The following SAMD12 variants were observed in gnomAD, a reference collection of about 807,000 sequenced individuals.
SAMD12 encodes the protein sterile alpha motif domain containing 12.
SAMD12 carries 9 observed loss-of-function variants against 15.0 expected under a neutral mutation model. That is an observed-to-expected ratio of 0.60 (90% confidence interval 0.36 to 1.05). SAMD12 has a LOEUF of 1.05. Among genes scored for constraint, SAMD12 ranks in the 50% least tolerant of loss-of-function variants. The pLI, the probability that SAMD12 is intolerant of heterozygous loss-of-function variation, is 0.01. For synonymous variants in SAMD12, 86 were observed against 90.1 expected, an observed-to-expected ratio of 0.96 and a Z score of 0.25; for missense variants, 230 against 234.2, an observed-to-expected ratio of 0.98 and a Z score of 0.12.
intron 2 of SAMD12, among the ~76,000 whole-genome samples, chr8:118,468,293 G>A (rs985622116): frequency 6.6e-6 from 1 of 151,902 alleles, no homozygotes; most frequent in South Asian, 2.1e-4. Context: ...AACTAGCAAG[G>A]AGAGATGGGT....
intron 4 of SAMD12, among the ~76,000 whole-genome samples, chr8:118,358,193 ATG>A (rs1563791912): frequency 2.6e-5 from 4 of 152,098 alleles, no homozygotes; most frequent in Non-Finnish European, 5.9e-5. Context: ...AGAGCTTAGT[ATG>A]TGTTTTTCCA....
intron 3 of SAMD12, among the ~76,000 whole-genome samples, chr8:118,392,087 C>A (rs982120239): frequency 6.6e-6 from 1 of 152,346 alleles, no homozygotes; most frequent in East Asian, 1.9e-4. Flanking sequence ...ATGACACCCT[C>A]TCTCCCCATG....
intron 4 of SAMD12, among the ~76,000 whole-genome samples, chr8:118,343,421 C>T (rs1375728670): frequency 6.6e-6 from 1 of 151,672 alleles, no homozygotes. Flanking sequence ...CAAAAATTGA[C>T]AGGGGAGTAG....
intron 3 of SAMD12, among the ~76,000 whole-genome samples, chr8:118,432,708 G>A (rs916494487): frequency 1.3e-5 from 2 of 152,168 alleles, no homozygotes; most frequent in Admixed American, 1.3e-4. Flanking sequence ...AAGCCAGAAG[G>A]AAAACTGGAA....
intron 4 of SAMD12, among the ~76,000 whole-genome samples, chr8:118,223,586 T>C (rs1221562129): frequency 1.3e-5 from 2 of 152,174 alleles, no homozygotes; most frequent in African/African-American, 4.8e-5. Flanking sequence ...CAGTCTTCTG[T>C]TAGAGACTGG....
chr8:118,456,519 G>A lies in SAMD12; in HGVS notation c.193-16558C>T, dbSNP rs1238976482. The stretch of plus-strand genomic sequence containing the variant: ...TGGAGCTCTCTCCATTGTCCATAAT[G>A]TTTCCTAATGATATATACATTCTAG... On this transcript the variant is annotated intron_variant, in intron 2 of 3. Transcript: ENST00000314727. Among the ~76,000 whole-genome samples, 3 of 152,178 alleles carry A rather than the reference G, an allele frequency of 2.0e-5. No homozygotes were observed. In the East Asian group the frequency reaches 5.8e-4, roughly 29 times the overall value.
At chr8:118,395,294 T>C (rs1290335588) in intron 3 of SAMD12, among the ~76,000 whole-genome samples, 1 of 152,118 alleles carries the variant, frequency 6.6e-6, no homozygotes, top group Non-Finnish European at 1.5e-5. Context: ...ACTCCCTCAT[T>C]CACTGCTCAC....
At chr8:118,370,714 C>T (rs1819050843) in intron 4 of SAMD12, among the ~76,000 whole-genome samples, 1 of 152,090 alleles carries the variant, frequency 6.6e-6, no homozygotes, top group Non-Finnish European at 1.5e-5. Context: ...TGTTCTAATT[C>T]ATAAGTGGGA....
At chr8:118,442,503 G>A (rs1278937504) in intron 2 of SAMD12, among the ~76,000 whole-genome samples, 6 of 152,326 alleles carry the variant, frequency 3.9e-5, no homozygotes, top group African/African-American at 1.4e-4. Flanking sequence ...TGATGAGAGA[G>A]GAAGACGTTG....
intron 1 of SAMD12, among the ~76,000 whole-genome samples, chr8:118,588,177 T>C (rs145704545): frequency 2.0e-3 from 309 of 152,262 alleles, no homozygotes; most frequent in African/African-American, 6.3e-3. Context: ...TCATGAAAAC[T>C]TTTGCATCAA....
At chr8:118,441,625 T>C (rs1015461130) in intron 2 of SAMD12, among the ~76,000 whole-genome samples, 1 of 152,238 alleles carries the variant, frequency 6.6e-6, no homozygotes, top group African/African-American at 2.4e-5. Context: ...TATTCATATA[T>C]GTATGTTTTC....
intron 3 of SAMD12, among the ~76,000 whole-genome samples, chr8:118,418,886 C>G (rs1821855995): frequency 6.6e-6 from 1 of 152,028 alleles, no homozygotes; most frequent in African/African-American, 2.4e-5. Flanking sequence ...TCCATCTGTC[C>G]CTGACATTTT....
chr8:118,344,934 A>G (rs1414438688), intron 4 of SAMD12, among the ~76,000 whole-genome samples: 1 of 152,126 alleles, frequency 6.6e-6, no homozygotes, highest in Non-Finnish European at 1.5e-5. Flanking sequence ...TACTATTATT[A>G]TATTTTTATA....
chr8:118,435,851 A>C (rs1274380937), intron 3 of SAMD12, among the ~76,000 whole-genome samples: 1 of 152,230 alleles, frequency 6.6e-6, no homozygotes, highest in African/African-American at 2.4e-5. Flanking sequence ...AACTGGCAAG[A>C]TGTTACAACC....
intron 1 of SAMD12, 102 bp downstream of exon 1, chr8:118,621,702 C>T: frequency 7.3e-7 from 1 of 1,364,556 alleles, no homozygotes; most frequent in African/African-American, 1.4e-5. Flanking sequence ...CTCCGCCACC[C>T]CCTTTCCTCG....
At chr8:118,328,653 T>C (rs1816671198) in intron 4 of SAMD12, among the ~76,000 whole-genome samples, 1 of 152,220 alleles carries the variant, frequency 6.6e-6, no homozygotes, top group Non-Finnish European at 1.5e-5. Context: ...CAGTGTGATG[T>C]AGTGCATAGC....
At chr8:118,324,766 C>CTCTTTCTATAT (rs1816481421) in intron 4 of SAMD12, among the ~76,000 whole-genome samples, 1 of 152,056 alleles carries the variant, frequency 6.6e-6, no homozygotes, top group Non-Finnish European at 1.5e-5. Context: ...TTCATGGGAC[C>CTCTTTCTATAT]GCAAGTGATT....
At chr8:118,452,693 T>C (rs1418881624) in intron 2 of SAMD12, among the ~76,000 whole-genome samples, 2 of 152,178 alleles carry the variant, frequency 1.3e-5, no homozygotes, top group African/African-American at 4.8e-5. Flanking sequence ...TTTGTTGATA[T>C]AAAAGAAAGT....
chr8:118,404,510 G>T lies in SAMD12; in HGVS notation c.323-24810C>A, dbSNP rs570248603. ...GACAGTCCTGATTTCAAAGCACCTT[G>T]ATTGTTTGCCTGAAAATGCAGTCAT... On this transcript the variant is annotated intron_variant, in intron 3 of 3. Coordinates refer to ENST00000314727, the MANE Select transcript of SAMD12 (RefSeq NM_207506.3). 7.2e-5 allele frequency among the ~76,000 whole-genome samples: 11 copies of T among 152,292 alleles called. No homozygotes were observed. The South Asian group carries it at 2.1e-3, about 29-fold the overall frequency.
Sources: allele counts gnomAD v4.1 joint callset (sites outside exome capture counted in the v4.1 genomes callset), GRCh38; gene constraint gnomAD v4.1.1; transcripts MANE v1.5; gene names NCBI Gene and HGNC (gene_info 2026-07-23, HGNC 2026-07-21).